The following CAMKMT variants were observed in gnomAD, a reference collection of about 807,000 sequenced individuals.
CAMKMT encodes calmodulin-lysine N-methyltransferase, also known as CaM KMT.
A neutral mutation model predicts 48.0 loss-of-function variants in CAMKMT; 53 were observed. The ratio of observed to expected loss-of-function variants is 1.10; its 90% CI spans 0.89 to 1.39. The LOEUF (loss-of-function observed/expected upper bound fraction) is 1.39. Ranked by LOEUF, CAMKMT falls within the 40% of genes most tolerant of loss-of-function variation. The probability of loss-of-function intolerance (pLI) is 0.00; values close to 1 mark genes in which losing one functional copy is unlikely to be tolerated. For synonymous variants in CAMKMT, 165 were observed against 152.3 expected (o/e 1.08, Z -0.61); for missense variants, 428 against 402.7 (o/e 1.06, Z -0.54).
rs545188572 is a variant in CAMKMT, at chr2:44,558,115, T to C, written c.377-146168T>C. 2.8e-3 allele frequency among the ~76,000 whole-genome samples: 422 copies of C among 152,276 alleles called. 2 individuals are homozygous for C. The highest frequency in any genetic ancestry group is 0.015 in the South Asian group (71 of 4,816). On this transcript the variant is annotated intron_variant, in intron 3 of 10. Coordinates refer to ENST00000378494, the MANE Select transcript of CAMKMT (RefSeq NM_024766.5). Reference sequence around the variant, plus strand: ...TGTCATCCAGGCTGGAGTGCAGTGATGTCAATATAGCTCACTGCAGCCTCG... The same window carrying C: ...TGTCATCCAGGCTGGAGTGCAGTGACGTCAATATAGCTCACTGCAGCCTCG...
intron 3 of CAMKMT, among the ~76,000 whole-genome samples, chr2:44,545,524 A>C (rs1667347752): frequency 6.6e-6 from 1 of 152,126 alleles, no homozygotes; most frequent in Non-Finnish European, 1.5e-5. Context: ...GAGCTAGTAC[A>C]CATGCAGTTT....
chr2:44,427,441 A>G (rs777412592), intron 3 of CAMKMT, among the ~76,000 whole-genome samples: 10 of 152,234 alleles, frequency 6.6e-5, no homozygotes, highest in Non-Finnish European at 1.5e-4. Context: ...TCTATAAGGA[A>G]TGTAAACAAA....
At position 44,715,727 on chromosome 2, in the gene CAMKMT, G is replaced by A. The variant is rs140316710; in HGVS notation, c.623+374G>A. 1.2e-3 allele frequency among the ~76,000 whole-genome samples: 187 copies of A among 152,264 alleles called. 1 individual carries two copies. Among genetic ancestry groups the A allele is most frequent in the African/African-American group, 4.1e-3 (169 of 41,544 alleles). ...CCCAAGGGGACTTTTGGCATTCCCT[G>A]GAGATATTTTTTTTTGTTGTCATGA... is the stretch of plus-strand genomic sequence containing the variant. On this transcript the variant is annotated intron_variant, in intron 7 of 10. Coordinates refer to ENST00000378494, the MANE Select transcript of CAMKMT (RefSeq NM_024766.5).
chr2:44,690,676 G>A (rs1242873778), intron 3 of CAMKMT, among the ~76,000 whole-genome samples: 1 of 152,128 alleles, frequency 6.6e-6, no homozygotes, highest in Non-Finnish European at 1.5e-5. Context: ...AAGTGATGCT[G>A]CCACTGCCAA....
At chr2:44,368,409 C>G (rs970171010) in intron 1 of CAMKMT, among the ~76,000 whole-genome samples, 1 of 152,118 alleles carries the variant, frequency 6.6e-6, no homozygotes, top group Non-Finnish European at 1.5e-5. Context: ...GACTTGATCT[C>G]CTATTGCAAT....
chr2:44,718,307 A>G (rs534047656), intron 7 of CAMKMT, among the ~76,000 whole-genome samples: 1 of 152,310 alleles, frequency 6.6e-6, no homozygotes, highest in African/African-American at 2.4e-5. Context: ...TGCTGGTGAA[A>G]GTCTGGAAGC....
At chr2:44,575,156 G>A (rs961630295) in intron 3 of CAMKMT, among the ~76,000 whole-genome samples, 1 of 152,102 alleles carries the variant, frequency 6.6e-6, no homozygotes, top group Non-Finnish European at 1.5e-5. Context: ...TCGGCTCACT[G>A]CAACCTCCGT....
chr2:44,386,362 A>G (rs1368201028), intron 2 of CAMKMT, among the ~76,000 whole-genome samples: 1 of 152,058 alleles, frequency 6.6e-6, no homozygotes, highest in Non-Finnish European at 1.5e-5. Flanking sequence ...CATTTGCAGT[A>G]TCTCCTGTTT....
intron 3 of CAMKMT, among the ~76,000 whole-genome samples, chr2:44,458,514 A>G (rs983836936): frequency 6.6e-6 from 1 of 152,224 alleles, no homozygotes; most frequent in Non-Finnish European, 1.5e-5. Flanking sequence ...TTTATTCGCC[A>G]TTCTGCCAGT....
At chr2:44,669,608 G>A (rs1041203575) in intron 3 of CAMKMT, among the ~76,000 whole-genome samples, 3 of 151,904 alleles carry the variant, frequency 2.0e-5, no homozygotes, top group African/African-American at 4.8e-5. Flanking sequence ...TAGTCTGTTC[G>A]TTAAGTAATG....
At chr2:44,386,420 T>C (rs907451175) in intron 2 of CAMKMT, among the ~76,000 whole-genome samples, 2 of 152,118 alleles carry the variant, frequency 1.3e-5, no homozygotes, top group African/African-American at 4.8e-5. Context: ...TGGTTAATCT[T>C]GCTAATGGTC....
At chr2:44,766,090 A>G in intron 9 of CAMKMT, among the ~76,000 whole-genome samples, 1 of 152,216 alleles carries the variant, frequency 6.6e-6, no homozygotes, top group East Asian at 1.9e-4. Flanking sequence ...ACTGCCCTGG[A>G]CCAGTTACTC....
chr2:44,563,605 T>C (rs942212025), intron 3 of CAMKMT, among the ~76,000 whole-genome samples: 2 of 152,174 alleles, frequency 1.3e-5, no homozygotes, highest in Non-Finnish European at 2.9e-5. Flanking sequence ...GTATATCTCC[T>C]AATGCTATCC....
chr2:44,556,031 G>A (rs1360283564), intron 3 of CAMKMT, among the ~76,000 whole-genome samples: 1 of 152,186 alleles, frequency 6.6e-6, no homozygotes, highest in African/African-American at 2.4e-5. Flanking sequence ...ACATGGGGCA[G>A]CAGAAAGGGG....
At chr2:44,410,243 A>AGTCTATAGAC (rs1324639383) in intron 3 of CAMKMT, among the ~76,000 whole-genome samples, 4 of 52,702 alleles carry the variant, frequency 7.6e-5, no homozygotes, top group African/African-American at 2.8e-4. Flanking sequence ...ATATATATAT[A>AGTCTATAGAC]TATATTTTTT....
At chr2:44,370,889 C>T (rs1478955631) in intron 1 of CAMKMT, among the ~76,000 whole-genome samples, 1 of 152,224 alleles carries the variant, frequency 6.6e-6, no homozygotes, top group African/African-American at 2.4e-5. Context: ...TTGCTCACTA[C>T]AACCTCAAAC....
intron 4 of CAMKMT, chr2:44,705,248 T>G (rs1388166012): frequency 2.0e-6 from 1 of 493,908 alleles, no homozygotes; most frequent in Non-Finnish European, 2.6e-6. Flanking sequence ...TTGCTTGGCT[T>G]CTTCTCCTCC....
At chr2:44,763,650 G>C (rs1390597310) in intron 9 of CAMKMT, among the ~76,000 whole-genome samples, 1 of 152,228 alleles carries the variant, frequency 6.6e-6, no homozygotes, top group African/African-American at 2.4e-5. Flanking sequence ...GGACTGGAGA[G>C]TGATGGGGCA....
Position 44,715,273 on chromosome 2 carries a change from A to G in CAMKMT, c.557-14A>G. On this transcript the variant is annotated splice_polypyrimidine_tract_variant and intron_variant, in intron 6 of 10. Transcript: ENST00000378494. ...CACAATCAGTGCAGATGTTTTCTTA[A>G]CTGTGTCCTGTAGATGTGCAAGACA... The G allele has an allele frequency of 6.2e-7, 1 of 1,606,870 alleles. No individual in the cohort carries two copies. The highest frequency in any genetic ancestry group is 8.5e-7 in the Non-Finnish European group (1 of 1,174,522).
Sources: allele counts gnomAD v4.1 joint callset (sites outside exome capture counted in the v4.1 genomes callset), GRCh38; gene constraint gnomAD v4.1.1; transcripts MANE v1.5; gene names NCBI Gene and HGNC (gene_info 2026-07-23, HGNC 2026-07-21).